Variants in MAGI2 observed in about 807,000 individuals in gnomAD.
MAGI2 encodes the protein membrane-associated guanylate kinase, WW and PDZ domain-containing protein 2.
MAGI2 carries 35 observed loss-of-function variants against 133.3 expected under a neutral mutation model. That is an observed-to-expected ratio of 0.26 (90% CI 0.20 to 0.35). The LOEUF (loss-of-function observed/expected upper bound fraction) is 0.35. Ranked by LOEUF, MAGI2 falls within the 10% of genes least tolerant of loss-of-function variation. The pLI is 1.00. For missense variants in MAGI2, 1,636 were observed against 1,863.4 expected (o/e 0.88, Z 2.25); for synonymous variants, 729 against 710.6 (o/e 1.03, Z -0.41).
At chr7:79,342,475 T>C (rs955680313) in intron 1 of MAGI2, among the ~76,000 whole-genome samples, 4 of 152,332 alleles carry the variant, frequency 2.6e-5, no homozygotes, top group Admixed American at 1.3e-4. Context: ...TAAGCCAATG[T>C]CAAGATAGTT....
intron 2 of MAGI2, among the ~76,000 whole-genome samples, chr7:78,826,771 A>T (rs1680829277): frequency 6.6e-6 from 1 of 152,144 alleles, no homozygotes; most frequent in African/African-American, 2.4e-5. Flanking sequence ...GTGTGGGAAA[A>T]GGTGATGACC....
intron 1 of MAGI2, among the ~76,000 whole-genome samples, chr7:79,408,443 C>A (rs1278923959): frequency 6.6e-6 from 1 of 150,886 alleles, no homozygotes; most frequent in Non-Finnish European, 1.5e-5. Context: ...TTACCCAGCA[C>A]AAATGGTAAT....
At chr7:78,310,920 G>A (rs955524389) in intron 9 of MAGI2, among the ~76,000 whole-genome samples, 11 of 152,176 alleles carry the variant, frequency 7.2e-5, no homozygotes, top group Admixed American at 1.3e-4. Flanking sequence ...TTGGAAATAT[G>A]GAATCATACA....
intron 2 of MAGI2, among the ~76,000 whole-genome samples, chr7:78,691,937 C>G (rs1172858298): frequency 6.6e-6 from 1 of 152,104 alleles, no homozygotes. Flanking sequence ...AAAGGCTTAT[C>G]GATTGTAACC....
intron 1 of MAGI2, among the ~76,000 whole-genome samples, chr7:79,212,218 A>G (rs1005907582): frequency 1.3e-5 from 2 of 152,198 alleles, no homozygotes; most frequent in South Asian, 2.1e-4. Context: ...TAGTTGCTAT[A>G]GAGTATTCCA....
intron 1 of MAGI2, among the ~76,000 whole-genome samples, chr7:79,094,416 T>C (rs1441245325): frequency 6.6e-6 from 1 of 152,242 alleles, no homozygotes; most frequent in Non-Finnish European, 1.5e-5. Flanking sequence ...TCTTAAACCA[T>C]TCAAAGCCAT....
intron 9 of MAGI2, among the ~76,000 whole-genome samples, chr7:78,283,496 C>T (rs1795837935): frequency 6.6e-6 from 1 of 152,052 alleles, no homozygotes; most frequent in Admixed American, 6.6e-5. Flanking sequence ...AGTAAATATA[C>T]CTAATAAATT....
chr7:78,440,908 G>A (rs967588077), intron 6 of MAGI2, among the ~76,000 whole-genome samples: 2 of 152,110 alleles, frequency 1.3e-5, no homozygotes, highest in East Asian at 1.9e-4. Flanking sequence ...AGCTGAGATC[G>A]CACCACTGCA....
intron 1 of MAGI2, among the ~76,000 whole-genome samples, chr7:79,134,907 G>T (rs6466510): frequency 0.59 from 89,825 of 152,148 alleles, 32,339 homozygotes; most frequent in Non-Finnish European, 0.8. Flanking sequence ...TGTATTAATA[G>T]AGGGTTAGAT....
rs138720532 is a variant in MAGI2, at chr7:78,591,601, T to TG, written c.538+35518dup. ...AAACAAGCAAATAAGCAGGACTCCC[T>TG]GATCAGAATTAGGAAGGTAGTCTCT... On this transcript the variant is annotated intron_variant, in intron 3 of 21. Transcript: ENST00000354212. 1.2e-4 allele frequency among the ~76,000 whole-genome samples: 19 copies of TG among 152,328 alleles called. No homozygotes were observed. In the East Asian group the frequency reaches 3.5e-3, roughly 28 times the overall value.
intron 6 of MAGI2, among the ~76,000 whole-genome samples, chr7:78,384,203 A>G (rs1413963147): frequency 1.3e-5 from 2 of 152,138 alleles, no homozygotes; most frequent in African/African-American, 4.8e-5. Flanking sequence ...CATTTTACCA[A>G]TGGCATTACC....
intron 1 of MAGI2, among the ~76,000 whole-genome samples, chr7:79,365,623 C>T (rs146357365): frequency 1.1e-3 from 164 of 151,696 alleles, no homozygotes; most frequent in African/African-American, 3.7e-3. Flanking sequence ...TTTGGGGGGC[C>T]GAGGCGGGCA....
At chr7:78,754,302 T>C (rs1002127249) in intron 2 of MAGI2, among the ~76,000 whole-genome samples, 4 of 151,564 alleles carry the variant, frequency 2.6e-5, no homozygotes, top group African/African-American at 9.7e-5. Flanking sequence ...ACCCAGGAGA[T>C]TGAGGCTGCA....
Position 78,871,126 on chromosome 7 carries a change from C to A in MAGI2, c.418+135964G>T, listed in dbSNP as rs993203001. On this transcript the variant is annotated intron_variant, in intron 2 of 21. Transcript: ENST00000354212. Reference sequence around the variant, plus strand: ...GAGATCGAGATCATCTTGGCTAACACGGTGAAACCCCATCGCTATCGAAAA... The same window carrying A: ...GAGATCGAGATCATCTTGGCTAACAAGGTGAAACCCCATCGCTATCGAAAA... Among the ~76,000 whole-genome samples, 3 of 151,968 alleles carry A rather than the reference C, an allele frequency of 2.0e-5. No homozygotes were observed. In the East Asian group the frequency reaches 5.8e-4, roughly 29 times the overall value.
At chr7:78,209,039 G>A (rs1787431719) in intron 10 of MAGI2, among the ~76,000 whole-genome samples, 1 of 147,370 alleles carries the variant, frequency 6.8e-6, no homozygotes, top group Admixed American at 6.8e-5. Flanking sequence ...GGGCTAACAC[G>A]GTGAAACCCT....
At chr7:78,954,491 C>T (rs1488020735) in intron 2 of MAGI2, among the ~76,000 whole-genome samples, 1 of 152,078 alleles carries the variant, frequency 6.6e-6, no homozygotes, top group Non-Finnish European at 1.5e-5. Context: ...AGCCTAACTG[C>T]TTATGCTATA....
At chr7:78,766,992 CTTTT>C (rs5885095) in intron 2 of MAGI2, among the ~76,000 whole-genome samples, 1 of 143,534 alleles carries the variant, frequency 7.0e-6, no homozygotes, top group Admixed American at 6.9e-5. Flanking sequence ...TAATAAAGTT[CTTTT>C]TTTTTTTTTT....
rs184542766 is a variant in MAGI2 at position 78,413,160 on chromosome 7, A to T, written c.1046-43947T>A. 2.6e-5 allele frequency among the ~76,000 whole-genome samples: 4 copies of T among 152,210 alleles called. No individual in the cohort carries two copies. In the East Asian group the frequency reaches 7.7e-4, roughly 29 times the overall value. On this transcript the variant is annotated intron_variant, in intron 6 of 21. Transcript: ENST00000354212. ...TCACCCGTAAAATGAGAAAAGTTGT[A>T]TTAGATAGTCTTTTAAGGTTCTTCT...
intron 6 of MAGI2, among the ~76,000 whole-genome samples, chr7:78,437,522 C>T (rs774583790): frequency 6.6e-6 from 1 of 152,138 alleles, no homozygotes; most frequent in East Asian, 1.9e-4. Flanking sequence ...AGGAAATGGG[C>T]CTTGGTATTT....
Sources: allele counts gnomAD v4.1 joint callset (sites outside exome capture counted in the v4.1 genomes callset), GRCh38; gene constraint gnomAD v4.1.1; transcripts MANE v1.5; gene names NCBI Gene and HGNC (gene_info 2026-07-23, HGNC 2026-07-21).